The following TMEM255B variants were observed in gnomAD, a reference collection of about 807,000 sequenced individuals.
TMEM255B encodes the protein family with sequence similarity 70, member B.
In TMEM255B, 35 loss-of-function variants were observed where a neutral mutation model predicts 34.5. That is an observed-to-expected ratio of 1.01 (90% CI 0.77 to 1.34). TMEM255B has a LOEUF of 1.34. TMEM255B is among the 40% of genes most tolerant of loss of function. TMEM255B has a pLI of 0.00. For missense variants in TMEM255B, 432 were observed against 433.2 expected (o/e 1.00, Z 0.02); for synonymous variants, 206 against 201.2 (o/e 1.02, Z -0.20).
chr13:113,807,558 G>A lies in TMEM255B; in HGVS notation c.813+2530G>A, dbSNP rs1331656798. Among the ~76,000 whole-genome samples the A allele has an allele frequency of 9.2e-5, 11 of 119,948 alleles. 1 individual carries two copies. Among genetic ancestry groups the A allele is most frequent in the Non-Finnish European group, 5.0e-5 (3 of 59,444 alleles). 78.7% of individuals were successfully genotyped at this position (119,948 alleles called of 152,430 possible). On this transcript the variant is annotated intron_variant, in intron 8 of 8. Transcript: ENST00000375353. ...CGGGATGTGGGGGGTAGTCCTCCCCGTCACACGCAGGCTTACGGGATGTGG... is the reference window on the plus strand; with the variant it reads ...CGGGATGTGGGGGGTAGTCCTCCCCATCACACGCAGGCTTACGGGATGTGG...
At chr13:113,797,069 G>A (rs1161343145) in intron 4 of TMEM255B, among the ~76,000 whole-genome samples, 2 of 152,214 alleles carry the variant, frequency 1.3e-5, no homozygotes, top group African/African-American at 2.4e-5. Flanking sequence ...CCAGGCGCCC[G>A]TGGCCGTGGC....
At position 113,811,848 on chromosome 13, in the gene TMEM255B, G is replaced by C; in HGVS notation, c.926G>C (p.Cys309Ser). ...GGGCTTCCCGGCCAGGCTCCACCGT[G>C]CTACGCACCCACCTACTTTCCCCCG... The part of the protein sequence containing the change: ...GSGLPGQAPP[C>S]YAPTYFPPGE... Residue 309 changes from cysteine (C) to serine (S), a missense_variant, in exon 9 of 9, where the codon TGC becomes TCC. Coordinates refer to ENST00000375353, the MANE Select transcript of TMEM255B (RefSeq NM_182614.4). The C allele has an allele frequency of 1.9e-6, 3 of 1,613,838 alleles. No individual in the cohort carries two copies. The South Asian group carries it at 3.3e-5, about 18-fold the overall frequency.
intron 3 of TMEM255B, among the ~76,000 whole-genome samples, chr13:113,786,649 C>T (rs61966730): frequency 3.7e-5 from 2 of 54,282 alleles, no homozygotes; most frequent in Non-Finnish European, 5.2e-5. Flanking sequence ...TCATCACTGT[C>T]GTTACCCTCA....
Position 113,811,982 on chromosome 13 carries a change from G to A in TMEM255B, c.*79G>A. ...AGCCTCTAGAAATCCCGCTTCTGTG[G>A]CCAACCTCCTAGAGAACCCGGGAGA... On this transcript the variant is annotated 3_prime_UTR_variant, in exon 9 of 9. Coordinates refer to ENST00000375353, the MANE Select transcript of TMEM255B (RefSeq NM_182614.4). The A allele has an allele frequency of 1.3e-6, 2 of 1,482,358 alleles. No homozygotes were observed. The highest frequency in any genetic ancestry group is 2.2e-5 in the Admixed American group (1 of 45,574). The allele number at this position is 1,482,358 out of a possible 1,614,324, so 91.8% of individuals were successfully genotyped here. A position where few individuals can be genotyped will look rare whatever the true frequency, so the allele number is the denominator to read the frequency against.
chr13:113,766,590 T>C (rs1054262596), intron 2 of TMEM255B: 2 of 388,964 alleles, frequency 5.1e-6, no homozygotes, highest in Non-Finnish European at 9.7e-6. Context: ...CAACAGGAAA[T>C]GTCCAAGGTG....
chr13:113,761,691 A>T (rs2050310985), intron 1 of TMEM255B, among the ~76,000 whole-genome samples: 1 of 152,136 alleles, frequency 6.6e-6, no homozygotes, highest in Non-Finnish European at 1.5e-5. Flanking sequence ...CATTTACAAA[A>T]ACCTATATGA....
Position 113,799,410 on chromosome 13 carries a change from C to G in TMEM255B, c.414C>G (p.Tyr138Ter). 6.2e-7 allele frequency: 1 copy of G among 1,614,146 alleles called. No individual in the cohort carries two copies. Among genetic ancestry groups the G allele is most frequent in the Non-Finnish European group, 8.5e-7 (1 of 1,179,984 alleles). The change falls in exon 5 of 9, where the codon TAC becomes TAG. Residue 138 changes from tyrosine (Y) to a stop codon, truncating the protein, a stop_gained. Transcript: ENST00000375353. LOFTEE classifies it high-confidence loss of function. ...GGGTGGGGTACTTGTACGATGTCTA[C>G]CAGACAGAGGTGAGCAGGAGCACTG... The part of the protein sequence containing the change: ...SSGVGYLYDV[Y>*]QTEVTCHSLD...
At chr13:113,786,549 TCGTCAA>T (rs2050746959) in intron 3 of TMEM255B, among the ~76,000 whole-genome samples, 1 of 151,638 alleles carries the variant, frequency 6.6e-6, no homozygotes, top group Non-Finnish European at 1.5e-5. Context: ...ATTGTCACCA[TCGTCAA>T]CATCATCACC....
chr13:113,799,458 G>A, intron 5 of TMEM255B, 39 bp downstream of exon 5: 1 of 1,594,394 alleles, frequency 6.3e-7, no homozygotes, highest in Non-Finnish European at 8.6e-7. Flanking sequence ...GTTTTGCTCA[G>A]CTAACCCCGC....
At chr13:113,795,407 C>G (rs1265127578) in intron 4 of TMEM255B, among the ~76,000 whole-genome samples, 170 bp downstream of exon 4, 1 of 152,174 alleles carries the variant, frequency 6.6e-6, no homozygotes, top group African/African-American at 2.4e-5. Flanking sequence ...ATTTCCTACA[C>G]AACGAACTTC....
chr13:113,772,387 G>A (rs567066980), intron 3 of TMEM255B, among the ~76,000 whole-genome samples: 1 of 152,212 alleles, frequency 6.6e-6, no homozygotes, highest in East Asian at 1.9e-4. Context: ...TGCTTTTGGT[G>A]TCATATCTAA....
At chr13:113,800,099 G>A in intron 5 of TMEM255B, 3 of 1,144,896 alleles carry the variant, frequency 2.6e-6, no homozygotes, top group South Asian at 1.7e-5. Flanking sequence ...TGTGTGTGGG[G>A]GGGGGTAGGC....
chr13:113,815,048 T>C lies in TMEM255B; in HGVS notation c.*3145T>C, dbSNP rs960616580. The C allele has an allele frequency of 6.6e-6, 1 of 151,972 alleles. No homozygotes were observed. Among genetic ancestry groups the C allele is most frequent in the African/African-American group, 2.4e-5 (1 of 41,336 alleles). 9.4% of individuals were successfully genotyped at this position (151,972 alleles called of 1,614,324 possible). ...GACTGAGGAGGGCAGGGTCAGAGCA[T>C]TGCCCTGGGCAGGGGTCCGTTGAGA... On this transcript the variant is annotated 3_prime_UTR_variant, in exon 9 of 9. Coordinates refer to ENST00000375353, the MANE Select transcript of TMEM255B (RefSeq NM_182614.4).
At chr13:113,801,160 T>G (rs2051052449) in intron 6 of TMEM255B, among the ~76,000 whole-genome samples, 1 of 152,194 alleles carries the variant, frequency 6.6e-6, no homozygotes, top group African/African-American at 2.4e-5. Context: ...GATGTTTACA[T>G]GAGGAAAGGA....
rs2050548010 is a variant in TMEM255B at position 113,775,011 on chromosome 13, ATACAC to A, written c.252+5852_252+5856del. Among the ~76,000 whole-genome samples the A allele has an allele frequency of 2.8e-5, 4 of 141,094 alleles. No homozygotes were observed. The South Asian group carries it at 9.0e-4, about 32-fold the overall frequency. The allele number at this position is 141,094 out of a possible 152,430, so 92.6% of individuals were successfully genotyped here. A position where few individuals can be genotyped will look rare whatever the true frequency, so the allele number is the denominator to read the frequency against. On this transcript the variant is annotated intron_variant, in intron 3 of 8. Coordinates refer to ENST00000375353, the MANE Select transcript of TMEM255B (RefSeq NM_182614.4). ...CACCACACACCACACACTCCACACA[ATACAC>A]AACACACACCACACATGACACACAT... is the stretch of plus-strand genomic sequence containing the variant.
At chr13:113,775,096 C>T (rs1311468513) in intron 3 of TMEM255B, among the ~76,000 whole-genome samples, 2 of 150,922 alleles carry the variant, frequency 1.3e-5, no homozygotes, top group African/African-American at 2.5e-5. Context: ...ATACACCACA[C>T]ACAGCACACA....
intron 4 of TMEM255B, among the ~76,000 whole-genome samples, chr13:113,799,095 T>C (rs150106111): frequency 0.012 from 1,841 of 152,330 alleles, 42 homozygotes; most frequent in African/African-American, 0.041. Flanking sequence ...ATGGAGAATA[T>C]GCATGGCCCG....
chr13:113,760,092 A>T (rs2050273260), intron 1 of TMEM255B, among the ~76,000 whole-genome samples: 1 of 152,002 alleles, frequency 6.6e-6, no homozygotes, highest in African/African-American at 2.4e-5. Flanking sequence ...TGAAGCCCTG[A>T]CGGCTGGAGG....
intron 3 of TMEM255B, among the ~76,000 whole-genome samples, chr13:113,779,480 G>A (rs567573798): frequency 9.9e-5 from 15 of 151,670 alleles, no homozygotes; most frequent in African/African-American, 3.1e-4. Flanking sequence ...TTTTGGGGGC[G>A]TAGAGGGAGC....
Sources: allele counts gnomAD v4.1 joint callset (sites outside exome capture counted in the v4.1 genomes callset), GRCh38; gene constraint gnomAD v4.1.1; transcripts MANE v1.5; gene names NCBI Gene and HGNC (gene_info 2026-07-23, HGNC 2026-07-21).